The following KCNH7 variants were observed in gnomAD, a reference collection of about 807,000 sequenced individuals.
The protein encoded by KCNH7 is voltage-gated inwardly rectifying potassium channel KCNH7.
Under a neutral mutation model 120.8 loss-of-function variants are expected in KCNH7, and 49 were observed. That is an observed-to-expected ratio of 0.41 (90% CI 0.32 to 0.51). KCNH7 has a LOEUF of 0.51. Among genes scored for constraint, KCNH7 ranks in the 20% least tolerant of loss-of-function variants. KCNH7 has a pLI of 0.38. For missense variants in KCNH7, 1,097 were observed against 1,446.6 expected, an observed-to-expected ratio of 0.76 and a Z score of 3.92; for synonymous variants, 547 against 516.1, an observed-to-expected ratio of 1.06 and a Z score of -0.81.
chr2:162,592,781 T>C (rs554683484), intron 2 of KCNH7, among the ~76,000 whole-genome samples: 1 of 152,226 alleles, frequency 6.6e-6, no homozygotes, highest in East Asian at 1.9e-4. Flanking sequence ...AAGATTGGCC[T>C]TATCAACTTA....
intron 2 of KCNH7, among the ~76,000 whole-genome samples, chr2:162,721,601 T>C (rs1037651914): frequency 9.2e-5 from 14 of 152,152 alleles, no homozygotes; most frequent in Non-Finnish European, 5.9e-5. Flanking sequence ...ATGCTTGGAT[T>C]AACCATTTGG....
At chr2:162,564,000 C>T (rs1693160449) in intron 2 of KCNH7, among the ~76,000 whole-genome samples, 1 of 152,086 alleles carries the variant, frequency 6.6e-6, no homozygotes, top group Non-Finnish European at 1.5e-5. Context: ...GTCATTCATT[C>T]TTTAATAGCA....
chr2:162,796,545 G>A (rs930661380), intron 2 of KCNH7: 1 of 152,022 alleles, frequency 6.6e-6, no homozygotes, highest in African/African-American at 2.4e-5. Context: ...TGATATAATT[G>A]CTCTATGGTT....
At chr2:162,681,672 G>A (rs2105313422) in intron 2 of KCNH7, among the ~76,000 whole-genome samples, 1 of 151,766 alleles carries the variant, frequency 6.6e-6, no homozygotes, top group Admixed American at 6.6e-5. Flanking sequence ...AGGTTTTATA[G>A]TTTGTTTGGA....
chr2:162,653,203 T>C (rs1299329729), intron 2 of KCNH7, among the ~76,000 whole-genome samples: 2 of 152,220 alleles, frequency 1.3e-5, no homozygotes, highest in African/African-American at 4.8e-5. Flanking sequence ...ACAGAAATTA[T>C]TGATTGACAT....
chr2:162,412,335 T>C (rs1462867175), intron 9 of KCNH7, among the ~76,000 whole-genome samples: 1 of 152,126 alleles, frequency 6.6e-6, no homozygotes, highest in African/African-American at 2.4e-5. Context: ...AACCAGTGAT[T>C]CTCAACTTTG....
intron 2 of KCNH7, among the ~76,000 whole-genome samples, chr2:162,653,360 T>A (rs1395127459): frequency 6.6e-6 from 1 of 152,156 alleles, no homozygotes; most frequent in African/African-American, 2.4e-5. Flanking sequence ...CTATTAGAAC[T>A]AATAAATTAA....
At chr2:162,523,433 T>C (rs905018067) in intron 3 of KCNH7, among the ~76,000 whole-genome samples, 3 of 151,928 alleles carry the variant, frequency 2.0e-5, no homozygotes, top group Non-Finnish European at 4.4e-5. Flanking sequence ...TGATAACAAC[T>C]ACATTTATAA....
At chr2:162,679,074 G>A (rs144278763) in intron 2 of KCNH7, among the ~76,000 whole-genome samples, 50 of 151,702 alleles carry the variant, frequency 3.3e-4, no homozygotes, top group African/African-American at 1.1e-3. Flanking sequence ...GTGTGAAACT[G>A]GAAAGAGCAG....
intron 10 of KCNH7, among the ~76,000 whole-genome samples, chr2:162,399,021 G>T (rs1686996034): frequency 6.6e-6 from 1 of 151,848 alleles, no homozygotes; most frequent in South Asian, 2.1e-4. Context: ...CTACACAGCA[G>T]CAGGGAAAAC....
intron 9 of KCNH7, among the ~76,000 whole-genome samples, chr2:162,422,245 G>T (rs1225647606): frequency 6.6e-6 from 1 of 151,974 alleles, no homozygotes; most frequent in Non-Finnish European, 1.5e-5. Flanking sequence ...TTCAAATTGG[G>T]CAATATTTGC....
intron 2 of KCNH7, among the ~76,000 whole-genome samples, chr2:162,627,623 T>C (rs1683605432): frequency 6.6e-6 from 1 of 152,172 alleles, no homozygotes; most frequent in Non-Finnish European, 1.5e-5. Context: ...TCATATTTCA[T>C]GACTTATACA....
intron 6 of KCNH7, among the ~76,000 whole-genome samples, chr2:162,446,847 TA>T (rs1298165170): frequency 2.6e-5 from 4 of 152,096 alleles, no homozygotes; most frequent in Non-Finnish European, 5.9e-5. Flanking sequence ...TTGTTATGAA[TA>T]GAAGCAGTCT....
rs538416837 is a variant in KCNH7 at position 162,491,859 on chromosome 2, A to C, written c.1128+12584T>G. On this transcript the variant is annotated intron_variant, in intron 6 of 15. Transcript: ENST00000332142. ...CTGTACTTCTCTCAAATGCCTCCTG[A>C]ATCACTGGGATTCCTTTGGGGAAAA... Among the ~76,000 whole-genome samples, 9 of 152,228 alleles carry C rather than the reference A, an allele frequency of 5.9e-5. No homozygotes were observed. The South Asian group carries it at 1.2e-3, about 21-fold the overall frequency.
At chr2:162,629,002 T>G (rs565248746) in intron 2 of KCNH7, among the ~76,000 whole-genome samples, 8 of 152,180 alleles carry the variant, frequency 5.3e-5, no homozygotes, top group Admixed American at 2.0e-4. Context: ...CATAGAGGAT[T>G]GGGACAAGGC....
chr2:162,389,428 C>G (rs1022478610), intron 12 of KCNH7, among the ~76,000 whole-genome samples: 2 of 151,932 alleles, frequency 1.3e-5, no homozygotes, highest in Non-Finnish European at 2.9e-5. Flanking sequence ...AGGCTACTTG[C>G]CGACTTTATT....
chr2:162,600,241 G>T (rs1162897888), intron 2 of KCNH7, among the ~76,000 whole-genome samples: 1 of 151,978 alleles, frequency 6.6e-6, no homozygotes, highest in East Asian at 1.9e-4. Flanking sequence ...TCTGGTGATT[G>T]CCTTATTCTC....
chr2:162,484,220 AACAC>A lies in KCNH7; in HGVS notation c.1128+20219_1128+20222del, dbSNP rs71960380. ...CTGACCTAAACAAGTTGAGTCTTTC[AACAC>A]ACACACACACACACACACACACACA... On this transcript the variant is annotated intron_variant, in intron 6 of 15. Transcript: ENST00000332142. 5.0e-3 allele frequency among the ~76,000 whole-genome samples: 730 copies of A among 146,816 alleles called. 6 individuals carry two copies. The highest frequency in any genetic ancestry group is 8.0e-3 in the Non-Finnish European group (529 of 66,110).
At chr2:162,621,493 C>T (rs1272672834) in intron 2 of KCNH7, among the ~76,000 whole-genome samples, 1 of 151,898 alleles carries the variant, frequency 6.6e-6, no homozygotes, top group Non-Finnish European at 1.5e-5. Context: ...ATAAGTACTT[C>T]TCTGGGGTTT....
Sources: gnomAD v4.1 joint callset for allele counts (sites outside exome capture counted in the v4.1 genomes callset) on GRCh38, gnomAD v4.1.1 for gene constraint, MANE v1.5 for transcripts, NCBI Gene and HGNC (gene_info 2026-07-23, HGNC 2026-07-21) for gene names.